The following CHRM3 variants were observed in gnomAD, a reference collection of about 807,000 sequenced individuals.
CHRM3 encodes cholinergic receptor muscarinic 3, also known as muscarinic acetylcholine receptor M3.
CHRM3 carries 11 observed loss-of-function variants against 41.8 expected under a neutral mutation model. That is an observed-to-expected ratio of 0.26 (90% CI 0.17 to 0.44). The LOEUF (loss-of-function observed/expected upper bound fraction) is 0.44. Among genes scored for constraint, CHRM3 ranks in the 20% least tolerant of loss-of-function variants. CHRM3 has a pLI of 1.00. For missense variants in CHRM3, 571 were observed against 745.4 expected, an observed-to-expected ratio of 0.77 and a Z score of 2.72; for synonymous variants, 297 against 301.4, an observed-to-expected ratio of 0.99 and a Z score of 0.15.
chr1:239,536,667 C>G (rs1383943742), intron 2 of CHRM3, among the ~76,000 whole-genome samples: 1 of 152,122 alleles, frequency 6.6e-6, no homozygotes, highest in Non-Finnish European at 1.5e-5. Context: ...AGTACCTGGG[C>G]TGGTAAATGT....
intron 2 of CHRM3, among the ~76,000 whole-genome samples, chr1:239,515,446 T>A (rs1669205718): frequency 6.6e-6 from 1 of 151,366 alleles, no homozygotes; most frequent in Non-Finnish European, 1.5e-5. Context: ...GTAAGGACAC[T>A]GTTAGGGGAA....
At chr1:239,424,092 A>G (rs1048842608) in intron 1 of CHRM3, among the ~76,000 whole-genome samples, 1 of 151,920 alleles carries the variant, frequency 6.6e-6, no homozygotes, top group Non-Finnish European at 1.5e-5. Flanking sequence ...AGTCAAGCCA[A>G]ATGCCTCTTT....
At chr1:239,606,504 G>A (rs891970247) in intron 3 of CHRM3, among the ~76,000 whole-genome samples, 1 of 152,176 alleles carries the variant, frequency 6.6e-6, no homozygotes, top group African/African-American at 2.4e-5. Flanking sequence ...TCAATCTCCT[G>A]ACCTTGGGAT....
chr1:239,743,063 CAG>C (rs1000794012), intron 5 of CHRM3, among the ~76,000 whole-genome samples: 2 of 151,746 alleles, frequency 1.3e-5, no homozygotes, highest in Non-Finnish European at 2.9e-5. Flanking sequence ...TAAAACTACT[CAG>C]GGGAAAAAAA....
intron 3 of CHRM3, among the ~76,000 whole-genome samples, chr1:239,620,505 A>G (rs1668239860): frequency 6.6e-6 from 1 of 152,210 alleles, no homozygotes; most frequent in African/African-American, 2.4e-5. Flanking sequence ...AGAGATAGAG[A>G]GAAAGAGGGA....
chr1:239,726,150 GC>G (rs1663418425), intron 5 of CHRM3, among the ~76,000 whole-genome samples: 1 of 151,864 alleles, frequency 6.6e-6, no homozygotes, highest in African/African-American at 2.4e-5. Flanking sequence ...AACCGCCAAG[GC>G]CCTTTTCTGA....
At chr1:239,696,202 C>A (rs899583840) in intron 5 of CHRM3, among the ~76,000 whole-genome samples, 2 of 152,280 alleles carry the variant, frequency 1.3e-5, no homozygotes, top group Middle Eastern at 6.8e-3. Flanking sequence ...GATAGCTGTC[C>A]TATGGCTTGT....
chr1:239,747,377 A>G (rs1240696387), intron 5 of CHRM3, among the ~76,000 whole-genome samples: 1 of 152,190 alleles, frequency 6.6e-6, no homozygotes, highest in African/African-American at 2.4e-5. Flanking sequence ...AGTAAGTCCA[A>G]CTAAAGATGT....
At chr1:239,897,693 G>A (rs1293784869) in intron 6 of CHRM3, among the ~76,000 whole-genome samples, 1 of 152,192 alleles carries the variant, frequency 6.6e-6, no homozygotes, top group Non-Finnish European at 1.5e-5. Context: ...TCTGGGTGAA[G>A]GGGTCATACT....
intron 6 of CHRM3, among the ~76,000 whole-genome samples, chr1:239,904,667 C>G (rs967320384): frequency 1.3e-5 from 2 of 152,006 alleles, no homozygotes; most frequent in African/African-American, 4.8e-5. Context: ...AAGTTGACAC[C>G]TAATAAAACC....
chr1:239,412,961 C>T lies in CHRM3; in HGVS notation c.-521+25734C>T, dbSNP rs188673492. Among the ~76,000 whole-genome samples the T allele has an allele frequency of 6.6e-3, 1,002 of 151,910 alleles. 13 individuals carry two copies. Among genetic ancestry groups the T allele is most frequent in the African/African-American group, 0.023 (933 of 41,426 alleles). On this transcript the variant is annotated intron_variant, in intron 1 of 6. Coordinates refer to ENST00000676153, the MANE Select transcript of CHRM3 (RefSeq NM_001375978.1). ...GGCATGGTGGCGCACATCTATAATCCCAGCTACTCGGGAGGCTGAGGCAAG... is the reference window on the plus strand; with the variant it reads ...GGCATGGTGGCGCACATCTATAATCTCAGCTACTCGGGAGGCTGAGGCAAG...
intron 4 of CHRM3, among the ~76,000 whole-genome samples, chr1:239,656,760 C>A (rs1331581314): frequency 6.6e-5 from 10 of 152,012 alleles, no homozygotes; most frequent in Admixed American, 6.6e-4. Flanking sequence ...TACGAGTTAA[C>A]AAATATATTA....
chr1:239,418,438 A>G (rs1661677151), intron 1 of CHRM3, among the ~76,000 whole-genome samples: 1 of 152,248 alleles, frequency 6.6e-6, no homozygotes, highest in African/African-American at 2.4e-5. Context: ...CAGTTTCTAC[A>G]TTAAGGGACC....
chr1:239,835,034 T>G (rs569849645), intron 6 of CHRM3, among the ~76,000 whole-genome samples: 1 of 152,304 alleles, frequency 6.6e-6, no homozygotes, highest in East Asian at 1.9e-4. Flanking sequence ...CTTGGAGATT[T>G]TAGAGGATCA....
intron 1 of CHRM3, among the ~76,000 whole-genome samples, chr1:239,404,442 GAAAGAAAGAAAGAAAGAAAGAAAGAA>G (rs1558196029): frequency 9.7e-5 from 12 of 123,094 alleles, no homozygotes; most frequent in African/African-American, 1.5e-4. Flanking sequence ...AAGAAAGAAA[GAAAGAAAGAAAGAAAGAAAGAAAGAA>G]AAAGAAAGAA....
chr1:239,908,582 C>T lies in CHRM3; in HGVS notation c.1131C>T (p.Ile377=). Residue 377 remains isoleucine, a synonymous_variant, in exon 7 of 7, where the codon ATC becomes ATT. Transcript: ENST00000676153. The surrounding 1 kb of genome is among the most constrained non-coding windows in gnomAD (Gnocchi z 7.2). ...TCAAGCTTCCGGGTCACAGCACCAT[C>T]CTCAACTCCACCAAGTTACCCTCAT... The part of the protein sequence containing the change: ...IVLKLPGHST[I]LNSTKLPSSD... The T allele has an allele frequency of 6.3e-7, 1 of 1,596,822 alleles. No individual in the cohort carries two copies. The highest frequency in any genetic ancestry group is 2.3e-5 in the East Asian group (1 of 44,408).
rs559469911 is a variant in CHRM3, at chr1:239,463,007, A to T, written c.-520-29702A>T. Reference sequence around the variant, plus strand: ...ATTTCTAGAAAAGGCAGTTTACTTTATGTAGCTAAAATGCATGGCTACATT... The same window carrying T: ...ATTTCTAGAAAAGGCAGTTTACTTTTTGTAGCTAAAATGCATGGCTACATT... On this transcript the variant is annotated intron_variant, in intron 1 of 6. Transcript: ENST00000676153. Among the ~76,000 whole-genome samples the T allele has an allele frequency of 1.3e-3, 201 of 152,348 alleles. 2 individuals are homozygous for T. The highest frequency in any genetic ancestry group is 2.4e-3 in the Non-Finnish European group (165 of 68,026).
At chr1:239,899,379 AT>A (rs1679302439) in intron 6 of CHRM3, among the ~76,000 whole-genome samples, 2 of 149,658 alleles carry the variant, frequency 1.3e-5, no homozygotes, top group African/African-American at 5.0e-5. Flanking sequence ...ATATATACAT[AT>A]ATAAACACAT....
chr1:239,906,869 G>T lies in CHRM3; in HGVS notation c.-19-564G>T, dbSNP rs529609829. ...CAAGGAACGGATGTCTTACTTTTTT[G>T]ATCCTGTCTCAAAGAGGCAATATAG... is the stretch of plus-strand genomic sequence containing the variant. On this transcript the variant is annotated intron_variant, in intron 6 of 6. Transcript: ENST00000676153. Among the ~76,000 whole-genome samples, 125 of 152,226 alleles carry T rather than the reference G, an allele frequency of 8.2e-4. 5 individuals are homozygous for T. In the South Asian group the frequency reaches 0.026, roughly 31 times the overall value.
Sources: allele counts gnomAD v4.1 joint callset (sites outside exome capture counted in the v4.1 genomes callset), GRCh38; gene constraint gnomAD v4.1.1; non-coding constraint Gnocchi (gnomAD v3.1); transcripts MANE v1.5; gene names NCBI Gene and HGNC (gene_info 2026-07-23, HGNC 2026-07-21).